CDH18: variants seen among roughly 807,000 people sequenced by gnomAD.
The protein encoded by CDH18 is cadherin-18.
In CDH18, 31 loss-of-function variants were observed where a neutral mutation model predicts 67.9. The observed-to-expected ratio is 0.46, with a 90% CI of 0.34 to 0.62. The LOEUF (loss-of-function observed/expected upper bound fraction) is 0.62, where lower values mean the gene tolerates loss of function less well. Among genes scored for constraint, CDH18 ranks in the 20% least tolerant of loss-of-function variants. CDH18 has a pLI of 0.01. For missense variants in CDH18, 890 were observed against 975.5 expected, an observed-to-expected ratio of 0.91 and a Z score of 1.17; for synonymous variants, 362 against 347.2, an observed-to-expected ratio of 1.04 and a Z score of -0.48.
At position 20,081,975 on chromosome 5, in the gene CDH18, G is replaced by A. The variant is rs145254273; in HGVS notation, c.-517-89961C>T. ...GAAAAACAAAACAAAAAACATTTTA[G>A]GAAACATAATATTAGTCTAAATCAC... is the stretch of plus-strand genomic sequence containing the variant. On this transcript the variant is annotated intron_variant, in intron 2 of 14. Coordinates refer to the CDH18 transcript ENST00000507958. Among the ~76,000 whole-genome samples the A allele has an allele frequency of 8.3e-4, 127 of 152,186 alleles. 1 individual carries two copies. The highest frequency in any genetic ancestry group is 2.8e-3 in the African/African-American group (116 of 41,542).
At chr5:20,222,310 T>C (rs1741291908) in intron 2 of CDH18, among the ~76,000 whole-genome samples, 1 of 152,188 alleles carries the variant, frequency 6.6e-6, no homozygotes, top group African/African-American at 2.4e-5. Flanking sequence ...TATATCATTA[T>C]ATCTGCATTA....
intron 1 of CDH18, among the ~76,000 whole-genome samples, chr5:20,533,445 T>A (rs1299202908): frequency 6.6e-6 from 1 of 152,118 alleles, no homozygotes; most frequent in African/African-American, 2.4e-5. Context: ...GCAGTAGACA[T>A]GCAAAATTAG....
chr5:20,246,091 A>C (rs1743357931), intron 2 of CDH18, among the ~76,000 whole-genome samples: 1 of 152,184 alleles, frequency 6.6e-6, no homozygotes, highest in Non-Finnish European at 1.5e-5. Context: ...CAGATTCATA[A>C]GGTGTTGCTA....
intron 1 of CDH18, among the ~76,000 whole-genome samples, chr5:20,511,640 T>C (rs571398219): frequency 6.6e-6 from 1 of 152,324 alleles, no homozygotes; most frequent in South Asian, 2.1e-4. Context: ...ACCTTTCAGA[T>C]ACAATTTTTA....
chr5:19,709,583 A>G (rs578238233), intron 5 of CDH18, among the ~76,000 whole-genome samples: 3 of 151,928 alleles, frequency 2.0e-5, no homozygotes, highest in Non-Finnish European at 4.4e-5. Context: ...AACAACAAAA[A>G]AAGAAAGTAA....
At chr5:19,915,596 A>G (rs911499824) in intron 2 of CDH18, among the ~76,000 whole-genome samples, 5 of 152,156 alleles carry the variant, frequency 3.3e-5, no homozygotes, top group African/African-American at 1.2e-4. Flanking sequence ...ACAATAAAGT[A>G]AGCTATTGAA....
At chr5:20,048,441 T>C (rs553209956) in intron 2 of CDH18, among the ~76,000 whole-genome samples, 2 of 151,926 alleles carry the variant, frequency 1.3e-5, no homozygotes, top group African/African-American at 4.8e-5. Flanking sequence ...GTTAAGTTCC[T>C]ACTACATCTC....
intron 2 of CDH18, among the ~76,000 whole-genome samples, chr5:19,946,792 A>G (rs1283762290): frequency 6.6e-6 from 1 of 152,180 alleles, no homozygotes; most frequent in African/African-American, 2.4e-5. Flanking sequence ...AGTACAAAGC[A>G]AGAAAATAAC....
At chr5:20,248,812 A>G (rs1743584381) in intron 2 of CDH18, among the ~76,000 whole-genome samples, 2 of 152,202 alleles carry the variant, frequency 1.3e-5, no homozygotes, top group Non-Finnish European at 1.5e-5. Context: ...CACCATTTCA[A>G]TTTTATCCAC....
intron 2 of CDH18, among the ~76,000 whole-genome samples, chr5:20,186,073 T>C (rs2126701055): frequency 6.6e-6 from 1 of 152,140 alleles, no homozygotes; most frequent in South Asian, 2.1e-4. Context: ...TGATAAATGG[T>C]GTTCAGAAAA....
chr5:19,923,098 G>C lies in CDH18; in HGVS notation c.-257+57962C>G, dbSNP rs375467699. Among the ~76,000 whole-genome samples, 104 of 152,200 alleles carry C rather than the reference G, an allele frequency of 6.8e-4. No homozygotes were observed. The South Asian group carries it at 0.019, about 28-fold the overall frequency. On this transcript the variant is annotated intron_variant, in intron 2 of 12. Coordinates refer to ENST00000382275, the MANE Select transcript of CDH18 (RefSeq NM_004934.5). ...ATTATAAGTGACACTGTGTCTTTGAGTCCTGAGACATAATGTAAACCCTAC... is the reference window on the plus strand; with the variant it reads ...ATTATAAGTGACACTGTGTCTTTGACTCCTGAGACATAATGTAAACCCTAC...
intron 6 of CDH18, among the ~76,000 whole-genome samples, chr5:19,597,117 C>A (rs183596724): frequency 2.4e-4 from 37 of 152,282 alleles, no homozygotes; most frequent in Admixed American, 1.0e-3. Context: ...CTCTCTGGGG[C>A]AAGCTATCTG....
At chr5:19,611,749 T>A (rs1303927053) in intron 6 of CDH18, among the ~76,000 whole-genome samples, 1 of 152,120 alleles carries the variant, frequency 6.6e-6, no homozygotes, top group Non-Finnish European at 1.5e-5. Flanking sequence ...CTTCCATTTT[T>A]AAAAACTCAA....
intron 2 of CDH18, among the ~76,000 whole-genome samples, chr5:19,860,414 G>A (rs1444738087): frequency 4.1e-5 from 6 of 147,434 alleles, no homozygotes; most frequent in Non-Finnish European, 9.0e-5. Flanking sequence ...TTTTCTCATT[G>A]CCTTCTTTTC....
rs189418474 is a variant in CDH18, at chr5:20,516,406, T to C, written c.-580+59056A>G. Among the ~76,000 whole-genome samples the C allele has an allele frequency of 5.5e-4, 84 of 152,092 alleles. 1 individual carries two copies. The East Asian group carries it at 0.016, about 29-fold the overall frequency. On this transcript the variant is annotated intron_variant, in intron 1 of 14. Coordinates refer to the CDH18 transcript ENST00000507958. ...ACCGTTAATCAAATGGAAAATATAG[T>C]AAGATAATTTACTGCAAACAAAACA... is the stretch of plus-strand genomic sequence containing the variant.
At chr5:19,877,329 ATG>A (rs1289100931) in intron 2 of CDH18, among the ~76,000 whole-genome samples, 1 of 152,196 alleles carries the variant, frequency 6.6e-6, no homozygotes, top group African/African-American at 2.4e-5. Flanking sequence ...ACTTTACAGT[ATG>A]CTTTGAATTT....
intron 1 of CDH18, among the ~76,000 whole-genome samples, chr5:20,364,450 T>C (rs1161352788): frequency 3.3e-5 from 5 of 152,204 alleles, no homozygotes; most frequent in Non-Finnish European, 5.9e-5. Context: ...ACCTTCCATA[T>C]AAAAAGAATG....
At chr5:20,164,834 A>G (rs1736166591) in intron 2 of CDH18, among the ~76,000 whole-genome samples, 3 of 152,312 alleles carry the variant, frequency 2.0e-5, no homozygotes, top group African/African-American at 7.2e-5. Context: ...AAATTGAACT[A>G]AAAGATAACA....
intron 5 of CDH18, among the ~76,000 whole-genome samples, chr5:19,660,619 ATTTTC>A (rs375188414): frequency 2.5e-3 from 379 of 152,236 alleles, no homozygotes; most frequent in African/African-American, 8.9e-3. Context: ...TTTGTCTTCA[ATTTTC>A]TTTTCTGACT....
Sources: allele counts gnomAD v4.1 joint callset (sites outside exome capture counted in the v4.1 genomes callset), GRCh38; gene constraint gnomAD v4.1.1; transcripts MANE v1.5; gene names NCBI Gene and HGNC (gene_info 2026-07-23, HGNC 2026-07-21).